DOCK3: variants seen among roughly 807,000 people sequenced by gnomAD.
DOCK3 encodes the protein dedicator of cytokinesis protein 3.
In DOCK3, 60 loss-of-function variants were observed where a neutral mutation model predicts 265.6. The ratio of observed to expected loss-of-function variants is 0.23; its 90% confidence interval spans 0.18 to 0.28. DOCK3 has a LOEUF of 0.28. Ranked by LOEUF, DOCK3 falls within the 10% of genes least tolerant of loss-of-function variation. The probability of loss-of-function intolerance (pLI) is 1.00; values close to 1 mark genes in which losing one functional copy is unlikely to be tolerated. For synonymous variants in DOCK3, 881 were observed against 938.0 expected (o/e 0.94, Z 1.11); for missense variants, 1,981 against 2,594.3 (o/e 0.76, Z 5.14).
At chr3:51,303,410 G>A (rs2082465709) in intron 27 of DOCK3, among the ~76,000 whole-genome samples, 1 of 152,144 alleles carries the variant, frequency 6.6e-6, no homozygotes, top group Non-Finnish European at 1.5e-5. Context: ...GCCTACTTCT[G>A]TCAATTCATT....
intron 5 of DOCK3, among the ~76,000 whole-genome samples, chr3:50,991,755 G>A (rs1275016503): frequency 2.6e-5 from 4 of 151,796 alleles, no homozygotes; most frequent in East Asian, 1.9e-4. Flanking sequence ...ATACCTTTAC[G>A]AAACTCTCCA....
intron 3 of DOCK3, among the ~76,000 whole-genome samples, chr3:50,885,695 C>G (rs553999835): frequency 1.1e-3 from 173 of 152,180 alleles, no homozygotes; most frequent in African/African-American, 4.1e-3. Context: ...ATCTCCACTG[C>G]CACTGTGTGG....
intron 9 of DOCK3, among the ~76,000 whole-genome samples, chr3:51,113,514 CG>C (rs2083607755): frequency 6.6e-6 from 1 of 152,140 alleles, no homozygotes; most frequent in Admixed American, 6.5e-5. Context: ...CATTAATCCA[CG>C]TACCAGAAAC....
chr3:51,126,271 A>AG (rs1287795610), intron 9 of DOCK3, among the ~76,000 whole-genome samples: 1 of 152,216 alleles, frequency 6.6e-6, no homozygotes, highest in African/African-American at 2.4e-5. Context: ...GGGCCTATGT[A>AG]GGAAAGGTGC....
intron 27 of DOCK3, among the ~76,000 whole-genome samples, chr3:51,283,331 A>G (rs955211450): frequency 1.3e-5 from 2 of 152,230 alleles, no homozygotes; most frequent in African/African-American, 2.4e-5. Context: ...TTTGGACCTC[A>G]CATATACCAC....
intron 1 of DOCK3, among the ~76,000 whole-genome samples, chr3:50,709,619 A>G (rs2036629612): frequency 6.6e-6 from 1 of 152,068 alleles, no homozygotes; most frequent in African/African-American, 2.4e-5. Flanking sequence ...TAAGGTCGGG[A>G]GTTCAAGACC....
chr3:50,792,298 G>C (rs1217318937), intron 2 of DOCK3, among the ~76,000 whole-genome samples: 1 of 152,038 alleles, frequency 6.6e-6, no homozygotes, highest in Non-Finnish European at 1.5e-5. Context: ...ATTTTTGCAC[G>C]TAGATTTTGT....
rs2051221569 is a variant in DOCK3, at chr3:50,934,047, A to G, written c.285A>G (p.Glu95=). The change falls in exon 5 of 53, where the codon GAA becomes GAG. Residue 95 remains glutamate, a synonymous_variant. Coordinates refer to ENST00000266037, the MANE Select transcript of DOCK3 (RefSeq NM_004947.5). ...IVTEVTATLQ[E]WASLWKQLYV... The stretch of plus-strand genomic sequence containing the variant: ...CTGAGGTTACAGCAACTCTACAAGA[A>G]TGGGCAAGTTTGTGGAAACAGTTGT... The G allele has an allele frequency of 6.2e-7, 1 of 1,610,776 alleles. No individual in the cohort carries two copies. The highest frequency in any genetic ancestry group is 8.5e-7 in the Non-Finnish European group (1 of 1,178,230).
intron 1 of DOCK3, among the ~76,000 whole-genome samples, chr3:50,691,109 C>T (rs1253002586): frequency 2.0e-5 from 3 of 151,432 alleles, no homozygotes; most frequent in Non-Finnish European, 2.9e-5. Context: ...GGTGAAACCT[C>T]GTCTCTACTA....
chr3:50,959,708 T>C (rs1400698690), intron 5 of DOCK3, among the ~76,000 whole-genome samples: 2 of 151,884 alleles, frequency 1.3e-5, no homozygotes, highest in Non-Finnish European at 2.9e-5. Context: ...GCCTCCAGAG[T>C]AGCTGAGACT....
At chr3:50,915,921 A>G (rs2050094042) in intron 4 of DOCK3, among the ~76,000 whole-genome samples, 1 of 151,894 alleles carries the variant, frequency 6.6e-6, no homozygotes, top group Admixed American at 6.5e-5. Context: ...GAGGGGTCTA[A>G]CAGTTGCTCT....
chr3:50,917,902 C>T (rs576417033), intron 4 of DOCK3, among the ~76,000 whole-genome samples: 1 of 152,146 alleles, frequency 6.6e-6, no homozygotes, highest in African/African-American at 2.4e-5. Flanking sequence ...AATGCTATCC[C>T]TTCTCCCTCC....
chr3:51,354,594 T>C (rs1206534771), intron 40 of DOCK3, among the ~76,000 whole-genome samples: 1 of 152,182 alleles, frequency 6.6e-6, no homozygotes, highest in East Asian at 1.9e-4. Context: ...ACATAGCTTT[T>C]TCTAAAATCC....
At chr3:51,173,593 G>T (rs1177558110) in intron 12 of DOCK3, among the ~76,000 whole-genome samples, 3 of 152,120 alleles carry the variant, frequency 2.0e-5, no homozygotes, top group Non-Finnish European at 4.4e-5. Context: ...GTGCAGCTTT[G>T]CTGGGAAAAG....
intron 26 of DOCK3, 64 bp downstream of exon 26, chr3:51,277,818 C>A: frequency 1.3e-6 from 2 of 1,558,590 alleles, no homozygotes; most frequent in South Asian, 1.2e-5. Flanking sequence ...CCACAACACT[C>A]CCCCTCCATC....
At chr3:50,679,376 A>G (rs2034223331) in intron 1 of DOCK3, among the ~76,000 whole-genome samples, 1 of 152,220 alleles carries the variant, frequency 6.6e-6, no homozygotes. Flanking sequence ...TGAAGACCTT[A>G]CATTTTAGTT....
chr3:51,025,175 G>T (rs1197528694), intron 5 of DOCK3, among the ~76,000 whole-genome samples: 2 of 152,162 alleles, frequency 1.3e-5, no homozygotes, highest in Non-Finnish European at 2.9e-5. Flanking sequence ...CAGGGCAGGT[G>T]GAGAAATACC....
intron 5 of DOCK3, among the ~76,000 whole-genome samples, chr3:50,982,461 A>G (rs1029233490): frequency 7.2e-5 from 11 of 152,104 alleles, no homozygotes; most frequent in Admixed American, 1.3e-4. Context: ...CAGTGGTGGC[A>G]GGAATGGCTG....
chr3:50,925,371 T>C (rs1201802851), intron 4 of DOCK3, among the ~76,000 whole-genome samples: 5 of 152,146 alleles, frequency 3.3e-5, no homozygotes, highest in African/African-American at 1.2e-4. Flanking sequence ...ATGACAAATC[T>C]CTAGACAAAG....
Sources: allele counts gnomAD v4.1 joint callset (sites outside exome capture counted in the v4.1 genomes callset), GRCh38; gene constraint gnomAD v4.1.1; transcripts MANE v1.5; gene names NCBI Gene and HGNC (gene_info 2026-07-23, HGNC 2026-07-21).